WASF3: variants seen among roughly 807,000 people sequenced by gnomAD.
WASF3 encodes the protein WASP family member 3.
In WASF3, 11 loss-of-function variants were observed where a neutral mutation model predicts 46.6. The observed-to-expected ratio is 0.24, with a 90% CI of 0.15 to 0.39. The LOEUF (loss-of-function observed/expected upper bound fraction) is 0.39. WASF3 is among the 10% of genes least tolerant of loss of function. WASF3 has a pLI of 1.00. For missense variants in WASF3, 576 were observed against 669.8 expected (o/e 0.86, Z 1.55); for synonymous variants, 242 against 259.7 (o/e 0.93, Z 0.65).
At chr13:26,680,032 CAG>C (rs1883179034) in intron 7 of WASF3, 1 of 1,595,394 alleles carries the variant, frequency 6.3e-7, no homozygotes, top group Non-Finnish European at 8.5e-7. Flanking sequence ...GTATTTCCTT[CAG>C]AGAGAGAAAC....
chr13:26,665,226 C>T, intron 4 of WASF3, 64 bp downstream of exon 4: 1 of 1,560,862 alleles, frequency 6.4e-7, no homozygotes, highest in Non-Finnish European at 8.7e-7. Context: ...TAATTAATTG[C>T]AGTGTAATTA....
intron 8 of WASF3, among the ~76,000 whole-genome samples, chr13:26,681,647 T>A (rs1005000065): frequency 3.3e-5 from 5 of 152,156 alleles, no homozygotes; most frequent in Non-Finnish European, 5.9e-5. Context: ...CCCTCAAGTT[T>A]CTGGACACAT....
chr13:26,556,603 T>C (rs1879103110), upstream of WASF3, among the ~76,000 whole-genome samples: 1 of 152,190 alleles, frequency 6.6e-6, no homozygotes. Context: ...GGTTAATAGA[T>C]TAGACATTTT....
In WASF3 at chr13:26,559,206, C is replaced by T. The variant is rs566191838; in HGVS notation, c.-109+1387C>T. ...TGACTTCAGTGTAGTACTCATTTTTCTTCATCTTGAAAGATTTTCTTAGTT... is the reference window on the plus strand; with the variant it reads ...TGACTTCAGTGTAGTACTCATTTTTTTTCATCTTGAAAGATTTTCTTAGTT... On this transcript the variant is annotated intron_variant, in intron 1 of 9. Transcript: ENST00000335327. Among the ~76,000 whole-genome samples the T allele has an allele frequency of 5.1e-4, 77 of 152,276 alleles. 1 individual carries two copies. Among genetic ancestry groups the T allele is most frequent in the African/African-American group, 1.8e-3 (76 of 41,554 alleles).
At chr13:26,632,792 T>C (rs1282390144) in intron 2 of WASF3, among the ~76,000 whole-genome samples, 1 of 152,158 alleles carries the variant, frequency 6.6e-6, no homozygotes, top group Non-Finnish European at 1.5e-5. Flanking sequence ...GCTGTGAATC[T>C]GTCTGGTCCT....
chr13:26,628,675 C>CA (rs1881554940), intron 2 of WASF3, among the ~76,000 whole-genome samples: 1 of 152,158 alleles, frequency 6.6e-6, no homozygotes, highest in African/African-American at 2.4e-5. Flanking sequence ...AACATGAGTC[C>CA]AAAGTACCGT....
At chr13:26,542,989 G>A in the WASF3 span, among the ~76,000 whole-genome samples, 3 of 152,228 alleles carry the variant, frequency 2.0e-5, no homozygotes, top group Non-Finnish European at 2.9e-5. Context: ...GGCTAAAGAA[G>A]AGGGAGTATG....
chr13:26,662,353 G>A (rs1339247085), intron 3 of WASF3, among the ~76,000 whole-genome samples: 1 of 152,208 alleles, frequency 6.6e-6, no homozygotes, highest in Non-Finnish European at 1.5e-5. Flanking sequence ...ACATGCACTT[G>A]TATGTTCATC....
At chr13:26,661,362 C>T (rs1352706098) in intron 3 of WASF3, among the ~76,000 whole-genome samples, 2 of 152,200 alleles carry the variant, frequency 1.3e-5, no homozygotes, top group African/African-American at 4.8e-5. Context: ...TAAGTGGAAT[C>T]GTACAGTATT....
intron 2 of WASF3, 143 bp from the exon 3 acceptor site, chr13:26,642,118 G>A (rs1436676378): frequency 5.0e-6 from 4 of 798,000 alleles, no homozygotes; most frequent in Non-Finnish European, 7.4e-6. Flanking sequence ...TTCACTGTTT[G>A]TTGCATTTTA....
chr13:26,561,066 G>T (rs1879279341), intron 1 of WASF3, among the ~76,000 whole-genome samples: 1 of 152,194 alleles, frequency 6.6e-6, no homozygotes, highest in Non-Finnish European at 1.5e-5. Context: ...GTTCAGTCCA[G>T]TGGGGGTGGT....
intron 3 of WASF3, among the ~76,000 whole-genome samples, chr13:26,643,204 T>G (rs529819262): frequency 6.6e-6 from 1 of 152,336 alleles, no homozygotes; most frequent in Admixed American, 6.5e-5. Flanking sequence ...CACTTCATCC[T>G]GCTCCTTTTC....
intron 1 of WASF3, chr13:26,577,142 T>C: frequency 1.3e-6 from 1 of 773,322 alleles, no homozygotes; most frequent in Non-Finnish European, 2.3e-6. Flanking sequence ...AAATTCAAGC[T>C]GATTACTGAA....
chr13:26,645,729 A>G (rs1340618870), intron 3 of WASF3, among the ~76,000 whole-genome samples: 1 of 152,192 alleles, frequency 6.6e-6, no homozygotes, highest in South Asian at 2.1e-4. Flanking sequence ...TGTGACCTGT[A>G]ATCAAGAGAA....
At chr13:26,557,540 G>C (rs182904328), upstream of WASF3, among the ~76,000 whole-genome samples, 1 of 152,108 alleles carries the variant, frequency 6.6e-6, no homozygotes, top group Non-Finnish European at 1.5e-5. Flanking sequence ...CGCTCAGCGC[G>C]CTCGCCGGCT....
At chr13:26,654,317 CCCT>C (rs1882406070) in intron 3 of WASF3, among the ~76,000 whole-genome samples, 1 of 152,192 alleles carries the variant, frequency 6.6e-6, no homozygotes, top group Non-Finnish European at 1.5e-5. Context: ...TTCATCTTCC[CCCT>C]CTTCAGTCAC....
At chr13:26,636,751 T>C (rs1328776894) in intron 2 of WASF3, among the ~76,000 whole-genome samples, 1 of 152,182 alleles carries the variant, frequency 6.6e-6, no homozygotes. Context: ...GAAGGGTCCT[T>C]TCTTGCCTTG....
At chr13:26,634,058 T>C (rs1362655924) in intron 2 of WASF3, among the ~76,000 whole-genome samples, 2 of 152,124 alleles carry the variant, frequency 1.3e-5, no homozygotes, top group Non-Finnish European at 2.9e-5. Context: ...TAACCTTCTG[T>C]CTCGATCTGT....
intron 3 of WASF3, among the ~76,000 whole-genome samples, chr13:26,646,247 A>G (rs17084416): frequency 0.062 from 9,374 of 152,250 alleles, 788 homozygotes; most frequent in African/African-American, 0.19. Context: ...ATATGCAAAT[A>G]TATATGAGCT....
Sources: gnomAD v4.1 joint callset for allele counts (sites outside exome capture counted in the v4.1 genomes callset) on GRCh38, gnomAD v4.1.1 for gene constraint, MANE v1.5 for transcripts, NCBI Gene and HGNC (gene_info 2026-07-23, HGNC 2026-07-21) for gene names.